Variants in ASTN2 observed in about 807,000 individuals in gnomAD.
The protein encoded by ASTN2 is astrotactin 2.
ASTN2 carries 54 observed loss-of-function variants against 139.8 expected under a neutral mutation model. The ratio of observed to expected loss-of-function variants is 0.39; its 90% CI spans 0.31 to 0.48. The LOEUF (loss-of-function observed/expected upper bound fraction) is 0.48. ASTN2 is among the 20% of genes least tolerant of loss of function. ASTN2 has a pLI of 0.95. For synonymous variants in ASTN2, 756 were observed against 719.5 expected (o/e 1.05, Z -0.81); for missense variants, 1,565 against 1,725.1 (o/e 0.91, Z 1.64).
At chr9:116,438,034 GA>G (rs1564276819) in intron 22 of ASTN2, among the ~76,000 whole-genome samples, 5 of 152,104 alleles carry the variant, frequency 3.3e-5, no homozygotes, top group Non-Finnish European at 1.5e-5. Flanking sequence ...TGCCCCATGG[GA>G]CCTCAATTTC....
intron 10 of ASTN2, among the ~76,000 whole-genome samples, chr9:116,974,138 A>G (rs1201712267): frequency 6.6e-6 from 1 of 152,178 alleles, no homozygotes; most frequent in Non-Finnish European, 1.5e-5. Context: ...TAGAAGTAAA[A>G]CTACTCTATT....
rs79876973 is a variant in ASTN2, at chr9:117,135,238, T to A, written c.1168+6088A>T. Among the ~76,000 whole-genome samples the A allele has an allele frequency of 3.6e-3, 544 of 152,360 alleles. 13 individuals carry two copies. In the East Asian group the frequency reaches 0.06, roughly 17 times the overall value. ...AATTCATAGCTCCACTATGTACTAG[T>A]TGAGTAAACTTAGACAAGTGACTGA... On this transcript the variant is annotated intron_variant, in intron 4 of 22. Coordinates refer to ENST00000313400, the MANE Select transcript of ASTN2 (RefSeq NM_001365068.1).
intron 19 of ASTN2, among the ~76,000 whole-genome samples, chr9:116,504,685 T>C (rs554628179): frequency 6.6e-6 from 1 of 151,968 alleles, no homozygotes; most frequent in Non-Finnish European, 1.5e-5. Context: ...TCATTTCAGC[T>C]TAATAACAAT....
At chr9:117,384,872 G>C (rs1213685825) in intron 1 of ASTN2, among the ~76,000 whole-genome samples, 1 of 152,156 alleles carries the variant, frequency 6.6e-6, no homozygotes, top group African/African-American at 2.4e-5. Flanking sequence ...ATAGGTGGAT[G>C]GCAAATAGAT....
At chr9:117,378,483 CCTT>C (rs1283969519) in intron 1 of ASTN2, among the ~76,000 whole-genome samples, 1 of 152,196 alleles carries the variant, frequency 6.6e-6, no homozygotes, top group Non-Finnish European at 1.5e-5. Context: ...GCCTTTGACT[CCTT>C]ATTTGCAGTA....
chr9:117,214,520 G>A lies in ASTN2; in HGVS notation c.853C>T (p.Arg285Trp). Residue 285 changes from arginine (R) to tryptophan (W), a missense_variant, in exon 3 of 23, where the codon CGG (arginine) becomes TGG (tryptophan). Arg to Trp is a moderately radical substitution (Grantham distance 101). Around this residue, in one of 4 missense-constraint regions of ASTN2, gnomAD observed 596 missense variants for 576.8 expected, o/e 1.03. Coordinates refer to ENST00000313400, the MANE Select transcript of ASTN2 (RefSeq NM_001365068.1). Reference protein sequence around the residue: ...THNSVIGVPIRETPILDDYDC... With the variant: ...THNSVIGVPIWETPILDDYDC... ...TAGTCATCCAGGATGGGAGTCTCCC[G>A]GATGGGCACGCCAATGACGGAATTG... 6 of 1,614,070 alleles carry A rather than the reference G, an allele frequency of 3.7e-6. No homozygotes were observed. Among genetic ancestry groups the A allele is most frequent in the East Asian group, 2.2e-5 (1 of 44,854 alleles).
intron 13 of ASTN2, among the ~76,000 whole-genome samples, chr9:116,753,076 G>A (rs896313818): frequency 5.3e-5 from 8 of 152,174 alleles, no homozygotes; most frequent in African/African-American, 1.4e-4. Flanking sequence ...TTATGTGATC[G>A]TATTCATACT....
intron 10 of ASTN2, among the ~76,000 whole-genome samples, chr9:116,955,641 C>G (rs1293477620): frequency 3.3e-5 from 5 of 152,190 alleles, no homozygotes; most frequent in Non-Finnish European, 7.3e-5. Context: ...AAATTACCAG[C>G]TTTGGATCCA....
intron 1 of ASTN2, among the ~76,000 whole-genome samples, chr9:117,332,685 C>T (rs576490756): frequency 6.6e-6 from 1 of 152,294 alleles, no homozygotes; most frequent in South Asian, 2.1e-4. Context: ...AACACCTGCT[C>T]ACATAGATGC....
intron 14 of ASTN2, among the ~76,000 whole-genome samples, chr9:116,731,030 G>A (rs1828763772): frequency 6.6e-6 from 1 of 151,890 alleles, no homozygotes; most frequent in Non-Finnish European, 1.5e-5. Context: ...CTATCCACTG[G>A]CGGCCTAACT....
chr9:116,760,866 G>T (rs10120611), intron 13 of ASTN2, among the ~76,000 whole-genome samples: 11,484 of 152,194 alleles, frequency 0.075, 727 homozygotes, highest in African/African-American at 0.17. Context: ...TTCATCAGCT[G>T]CAGAGAATAC....
intron 19 of ASTN2, among the ~76,000 whole-genome samples, chr9:116,554,842 T>A (rs1336436671): frequency 1.3e-5 from 2 of 152,078 alleles, no homozygotes; most frequent in African/African-American, 4.8e-5. Flanking sequence ...AAGAAAGAAA[T>A]GAGTCAATTT....
At chr9:116,742,757 G>A (rs955761769) in intron 13 of ASTN2, among the ~76,000 whole-genome samples, 5 of 146,816 alleles carry the variant, frequency 3.4e-5, no homozygotes, top group Admixed American at 1.4e-4. Context: ...CCATAAATAT[G>A]TGCAATTGTT....
At chr9:116,756,800 T>C (rs200607244) in intron 13 of ASTN2, among the ~76,000 whole-genome samples, 2,096 of 79,530 alleles carry the variant, frequency 0.026, 57 homozygotes, top group African/African-American at 0.075. Context: ...CACACACACA[T>C]ACACACACAC....
intron 2 of ASTN2, among the ~76,000 whole-genome samples, chr9:117,262,539 G>A (rs941517088): frequency 2.0e-5 from 3 of 152,044 alleles, no homozygotes; most frequent in Admixed American, 1.3e-4. Flanking sequence ...TGGCTGGCCT[G>A]AGTCTCAGTT....
intron 13 of ASTN2, among the ~76,000 whole-genome samples, chr9:116,772,244 G>A (rs1829971323): frequency 6.6e-6 from 1 of 152,142 alleles, no homozygotes; most frequent in Non-Finnish European, 1.5e-5. Flanking sequence ...GGAGGGACGT[G>A]GTGGGAGGTA....
chr9:116,803,510 ATATATATATATATTTTTTTTT>A (rs1337435817), intron 13 of ASTN2, among the ~76,000 whole-genome samples: 4 of 7,288 alleles, frequency 5.5e-4, no homozygotes, highest in African/African-American at 3.2e-3. Flanking sequence ...ATATATATAT[ATATATATATATATTTTTTTTT>A]TTTTTTTTTT....
chr9:116,505,957 T>A (rs1222528415), intron 19 of ASTN2, among the ~76,000 whole-genome samples: 1 of 152,162 alleles, frequency 6.6e-6, no homozygotes, highest in African/African-American at 2.4e-5. Context: ...TTTGTCCTGA[T>A]CACTGTAACT....
intron 19 of ASTN2, among the ~76,000 whole-genome samples, chr9:116,541,901 G>A (rs930632650): frequency 2.0e-5 from 3 of 152,112 alleles, no homozygotes; most frequent in African/African-American, 7.2e-5. Flanking sequence ...ATAATAGAGA[G>A]AGACCTTGTG....
Sources: gnomAD v4.1 joint callset for allele counts (sites outside exome capture counted in the v4.1 genomes callset) on GRCh38, gnomAD v4.1.1 for gene constraint, gnomAD v4.1.1 regional missense constraint, MANE v1.5 for transcripts, NCBI Gene and HGNC (gene_info 2026-07-23, HGNC 2026-07-21) for gene names.